GRID1: variants seen among roughly 807,000 people sequenced by gnomAD.
GRID1 encodes glutamate receptor ionotropic, delta-1.
A neutral mutation model predicts 98.0 loss-of-function variants in GRID1; 28 were observed. The observed-to-expected ratio is 0.29, with a 90% CI of 0.21 to 0.39. The LOEUF (loss-of-function observed/expected upper bound fraction) is 0.39. GRID1 is among the 10% of genes least tolerant of loss of function. GRID1 has a pLI of 1.00. For missense variants in GRID1, 1,111 were observed against 1,340.5 expected, an observed-to-expected ratio of 0.83 and a Z score of 2.67; for synonymous variants, 553 against 538.5, an observed-to-expected ratio of 1.03 and a Z score of -0.37.
chr10:86,179,756 G>A (rs1192612149), intron 3 of GRID1, among the ~76,000 whole-genome samples: 1 of 152,150 alleles, frequency 6.6e-6, no homozygotes, highest in Non-Finnish European at 1.5e-5. Flanking sequence ...ATAAACGTCG[G>A]CTAGGATTTC....
At chr10:86,228,060 A>G (rs1172313180) in intron 2 of GRID1, among the ~76,000 whole-genome samples, 1 of 151,634 alleles carries the variant, frequency 6.6e-6, no homozygotes, top group Non-Finnish European at 1.5e-5. Flanking sequence ...GCGTGGATGG[A>G]TGGGGGACCG....
At chr10:86,265,193 G>C (rs1437209058) in intron 2 of GRID1, among the ~76,000 whole-genome samples, 1 of 151,732 alleles carries the variant, frequency 6.6e-6, no homozygotes, top group Non-Finnish European at 1.5e-5. Flanking sequence ...CCTCAGGCAT[G>C]GTTCCATTAT....
At chr10:86,143,842 G>A (rs1228499084) in intron 3 of GRID1, among the ~76,000 whole-genome samples, 1 of 152,170 alleles carries the variant, frequency 6.6e-6, no homozygotes. Flanking sequence ...GGCAGCTCGG[G>A]GTGCATGGGC....
intron 4 of GRID1, among the ~76,000 whole-genome samples, chr10:86,007,543 C>T (rs1360463415): frequency 6.6e-6 from 1 of 152,132 alleles, no homozygotes; most frequent in East Asian, 1.9e-4. Context: ...TGTGCCAAAG[C>T]GAGATGTCAG....
chr10:86,225,356 T>G (rs964093264), intron 2 of GRID1, among the ~76,000 whole-genome samples: 4 of 152,296 alleles, frequency 2.6e-5, no homozygotes, highest in African/African-American at 9.6e-5. Flanking sequence ...AATGGTTGAG[T>G]GTTTTTTAAA....
In GRID1 at chr10:85,836,355, C is replaced by T. The variant is rs149667922; in HGVS notation, c.1233+18141G>A. ...TAACAGATCTTCAGAGGGAAGGCAC[C>T]GAGAGTGGATGGAGGAAAGACACAC... On this transcript the variant is annotated intron_variant, in intron 8 of 15. Coordinates refer to ENST00000327946, the MANE Select transcript of GRID1 (RefSeq NM_017551.3). 1.7e-3 allele frequency among the ~76,000 whole-genome samples: 258 copies of T among 151,994 alleles called. 1 individual carries two copies. Among genetic ancestry groups the T allele is most frequent in the African/African-American group, 5.8e-3 (239 of 41,448 alleles).
intron 4 of GRID1, among the ~76,000 whole-genome samples, chr10:86,111,989 G>A (rs1221471718): frequency 6.6e-6 from 1 of 152,250 alleles, no homozygotes; most frequent in South Asian, 2.1e-4. Context: ...CCACCATGAG[G>A]CTACAGTCCA....
At chr10:86,348,472 G>A (rs1354218078) in intron 2 of GRID1, among the ~76,000 whole-genome samples, 1 of 152,242 alleles carries the variant, frequency 6.6e-6, no homozygotes, top group Non-Finnish European at 1.5e-5. Context: ...AGAGCAGACT[G>A]GATGCCAGGC....
intron 2 of GRID1, among the ~76,000 whole-genome samples, chr10:86,281,797 A>G (rs1177318364): frequency 6.6e-6 from 1 of 152,130 alleles, no homozygotes; most frequent in Non-Finnish European, 1.5e-5. Context: ...GCTTGAGCAC[A>G]CTTTAAAAGC....
intron 4 of GRID1, among the ~76,000 whole-genome samples, chr10:85,965,081 A>G (rs1214741905): frequency 6.6e-6 from 1 of 152,260 alleles, no homozygotes; most frequent in Non-Finnish European, 1.5e-5. Context: ...TCAAAAGCAC[A>G]AAGAGACACC....
chr10:86,178,422 C>G (rs922996878), intron 3 of GRID1, among the ~76,000 whole-genome samples: 1 of 152,152 alleles, frequency 6.6e-6, no homozygotes, highest in Non-Finnish European at 1.5e-5. Flanking sequence ...AGTTAACAGG[C>G]TCTCCAGAGG....
intron 3 of GRID1, among the ~76,000 whole-genome samples, chr10:86,164,749 G>A (rs1845373742): frequency 6.6e-6 from 1 of 152,148 alleles, no homozygotes; most frequent in South Asian, 2.1e-4. Flanking sequence ...GAACAAAGCT[G>A]AAGGTTTGGC....
chr10:85,630,674 G>C (rs1243344925), intron 13 of GRID1, among the ~76,000 whole-genome samples: 1 of 152,022 alleles, frequency 6.6e-6, no homozygotes, highest in East Asian at 1.9e-4. Context: ...ATAGACTAGT[G>C]ATTCTCAAAG....
intron 12 of GRID1, among the ~76,000 whole-genome samples, chr10:85,717,053 G>T (rs1003628930): frequency 5.9e-5 from 9 of 152,144 alleles, no homozygotes; most frequent in African/African-American, 2.2e-4. Flanking sequence ...ACAGCATGGT[G>T]CTATAGTTAA....
At chr10:86,296,655 C>T (rs978111363) in intron 2 of GRID1, among the ~76,000 whole-genome samples, 4 of 152,154 alleles carry the variant, frequency 2.6e-5, no homozygotes. Context: ...AGAAGAATCG[C>T]TCGAACCCGA....
intron 8 of GRID1, among the ~76,000 whole-genome samples, chr10:85,773,693 G>A (rs1266540299): frequency 6.6e-6 from 1 of 152,166 alleles, no homozygotes. Flanking sequence ...GGCAAACAGA[G>A]AGCCAAATCA....
chr10:86,048,702 T>C (rs1338299656), intron 4 of GRID1, among the ~76,000 whole-genome samples: 2 of 152,180 alleles, frequency 1.3e-5, no homozygotes, highest in East Asian at 1.9e-4. Flanking sequence ...AAGCTGAAAA[T>C]GGTAGATCCA....
At chr10:86,264,600 G>A in intron 2 of GRID1, 1 of 456,026 alleles carries the variant, frequency 2.2e-6, no homozygotes, top group Non-Finnish European at 4.4e-6. Context: ...GCTCAGGAGG[G>A]CCTGGCCTGA....
At chr10:85,946,766 T>C (rs1392110743) in intron 4 of GRID1, among the ~76,000 whole-genome samples, 1 of 152,094 alleles carries the variant, frequency 6.6e-6, no homozygotes, top group Non-Finnish European at 1.5e-5. Flanking sequence ...ACAAGCCCAG[T>C]GTTCTCAAGC....
Sources: allele counts gnomAD v4.1 joint callset (sites outside exome capture counted in the v4.1 genomes callset), GRCh38; gene constraint gnomAD v4.1.1; transcripts MANE v1.5; gene names NCBI Gene and HGNC (gene_info 2026-07-23, HGNC 2026-07-21).